NFATC4: variants seen among roughly 807,000 people sequenced by gnomAD.
The protein encoded by NFATC4 is nuclear factor of activated T cells 4.
A neutral mutation model predicts 73.4 loss-of-function variants in NFATC4; 25 were observed. That is an observed-to-expected ratio of 0.34 (90% CI 0.25 to 0.48). The LOEUF is 0.48. Ranked by LOEUF, NFATC4 falls within the 20% of genes least tolerant of loss-of-function variation. The pLI, the probability that NFATC4 is intolerant of heterozygous loss-of-function variation, is 0.99. For synonymous variants in NFATC4, 523 were observed against 510.3 expected, an observed-to-expected ratio of 1.02 and a Z score of -0.34; for missense variants, 1,130 against 1,203.7, an observed-to-expected ratio of 0.94 and a Z score of 0.91.
chr14:24,369,960 G>A lies in NFATC4; in HGVS notation c.562G>A (p.Glu188Lys). The A allele has an allele frequency of 1.9e-6, 3 of 1,612,968 alleles. No individual in the cohort carries two copies. The highest frequency in any genetic ancestry group is 2.5e-6 in the Non-Finnish European group (3 of 1,179,976). Residue 188 changes from glutamate (E) to lysine (K), a missense_variant, in exon 2 of 10, where the codon GAG becomes AAG. Physicochemically the swap from Glu to Lys is moderately conservative, Grantham distance 56. Transcript: ENST00000250373. ...SWSFFSDASD[E>K]AALYAACDEV... is the part of the protein sequence containing the mutation. Reference sequence around the variant, plus strand: ...GAGCTTCTTCTCCGATGCCTCTGACGAGGCAGCCCTGTATGCAGCCTGCGA... The same window carrying A: ...GAGCTTCTTCTCCGATGCCTCTGACAAGGCAGCCCTGTATGCAGCCTGCGA...
upstream of NFATC4, chr14:24,368,183 T>C: frequency 8.0e-7 from 1 of 1,256,594 alleles, no homozygotes; most frequent in African/African-American, 1.6e-5. Flanking sequence ...TGGAAAAGTT[T>C]CTATAATAAC....
intron 2 of NFATC4, among the ~76,000 whole-genome samples, chr14:24,371,046 T>C (rs2042461160): frequency 6.6e-6 from 1 of 152,246 alleles, no homozygotes; most frequent in Non-Finnish European, 1.5e-5. Flanking sequence ...TCTGCATTCC[T>C]TAATTTCTAG....
chr14:24,371,577 C>A (rs1452719005), intron 2 of NFATC4: 1 of 152,476 alleles, frequency 6.6e-6, no homozygotes, highest in Non-Finnish European at 1.5e-5. Context: ...AAACCCTTAG[C>A]TCCCTGGAAC....
chr14:24,374,070 T>C (rs886458276), intron 5 of NFATC4: 3 of 896,422 alleles, frequency 3.3e-6, no homozygotes, highest in Non-Finnish European at 3.6e-6. Context: ...CACTGGACCC[T>C]ATCTATTCCT....
rs779833798 is a variant in NFATC4 at position 24,376,194 on chromosome 14, G to T, written c.2056+93G>T. 6.3e-7 allele frequency: 1 copy of T among 1,590,632 alleles called. No individual in the cohort carries two copies. The highest frequency in any genetic ancestry group is 8.6e-7 in the Non-Finnish European group (1 of 1,166,584). On this transcript the variant is annotated intron_variant, in intron 8 of 9. Coordinates refer to ENST00000250373, the MANE Select transcript of NFATC4 (RefSeq NM_004554.5). This position sits in a 1 kb window ranked among gnomAD's most constrained non-coding sequence, Gnocchi z 5.0. ...GCAGTACTCATCATGAGGGGCCAAG[G>T]GGTGAATGGAACCTGGGAGGAGCAG... is the stretch of plus-strand genomic sequence containing the variant.
intron 2 of NFATC4, among the ~76,000 whole-genome samples, chr14:24,371,187 T>A (rs1003018539): frequency 1.5e-4 from 23 of 152,256 alleles, no homozygotes; most frequent in Non-Finnish European, 2.6e-4. Flanking sequence ...CCCATTTCAA[T>A]AATCTTAAAT....
intron 1 of NFATC4, chr14:24,369,276 G>A: frequency 2.6e-6 from 4 of 1,548,432 alleles, no homozygotes; most frequent in Non-Finnish European, 2.6e-6. Context: ...GGTACCCTCG[G>A]TCCTAGGATC....
rs201406979 is a variant in NFATC4, at chr14:24,373,182, C to T, written c.1371C>T (p.Tyr457=). ...TCTCCCTCTGCCAGCTCCTAGGCTA[C>T]AGTGAGAAGCCACTGACCCTACAGA... ...GGHPVVKLLG[Y]SEKPLTLQMF... Residue 457 remains tyrosine (Y), a synonymous_variant, in exon 4 of 10, where the codon TAC becomes TAT. Coordinates refer to ENST00000250373, the MANE Select transcript of NFATC4 (RefSeq NM_004554.5). This position sits in a 1 kb window ranked among gnomAD's most constrained non-coding sequence, Gnocchi z 4.7. The T allele has an allele frequency of 2.1e-5, 34 of 1,614,004 alleles. 1 individual carries two copies. The highest frequency in any genetic ancestry group is 2.8e-5 in the Non-Finnish European group (33 of 1,180,020).
chr14:24,367,309 C>G (rs1029056386), upstream of NFATC4: 3 of 1,550,342 alleles, frequency 1.9e-6, no homozygotes, highest in Non-Finnish European at 2.6e-6. Flanking sequence ...CCCTAGTAAA[C>G]CTGGCAAGGA....
chr14:24,372,302 A>C, intron 2 of NFATC4, 139 bp from the exon 3 acceptor site: 1 of 878,554 alleles, frequency 1.1e-6, no homozygotes, highest in Non-Finnish European at 1.7e-6. Context: ...CCTTCTTTTC[A>C]CAAGTGTTAA....
chr14:24,377,989 T>G lies in NFATC4; in HGVS notation c.*284T>G, dbSNP rs2042673971. ...GACTGGAGTGAAGGCGTGTCTAGAGTGTGGGCTGGCTGTTGTGCTGGAAAG... is the reference window on the plus strand; with the variant it reads ...GACTGGAGTGAAGGCGTGTCTAGAGGGTGGGCTGGCTGTTGTGCTGGAAAG... On this transcript the variant is annotated 3_prime_UTR_variant, in exon 10 of 10. Coordinates refer to ENST00000250373, the MANE Select transcript of NFATC4 (RefSeq NM_004554.5). The surrounding 1 kb of genome is among the most constrained non-coding windows in gnomAD (Gnocchi z 4.2). The G allele has an allele frequency of 1.8e-6, 1 of 560,884 alleles. No individual in the cohort carries two copies. Among genetic ancestry groups the G allele is most frequent in the African/African-American group, 1.9e-5 (1 of 52,942 alleles). 34.7% of individuals were successfully genotyped at this position (560,884 alleles called of 1,614,324 possible).
chr14:24,367,665 G>A, upstream of NFATC4: 1 of 1,535,700 alleles, frequency 6.5e-7, no homozygotes, highest in Non-Finnish European at 8.7e-7. Context: ...CAAGGGAGGC[G>A]GAAGAATAGC....
intron 2 of NFATC4, 73 bp from the exon 3 acceptor site, chr14:24,372,368 C>G: frequency 6.7e-7 from 1 of 1,494,336 alleles, no homozygotes; most frequent in East Asian, 2.3e-5. Flanking sequence ...ACCCCCTCCT[C>G]CCTCACAGAT....
Position 24,377,427 on chromosome 14 carries a change from G to C in NFATC4, c.2642-211G>C, listed in dbSNP as rs1334884328. 1.4e-6 allele frequency: 2 copies of C among 1,420,036 alleles called. No homozygotes were observed. Among genetic ancestry groups the C allele is most frequent in the Non-Finnish European group, 9.2e-7 (1 of 1,090,896 alleles). The allele number at this position is 1,420,036 out of a possible 1,614,324, so 88.0% of individuals were successfully genotyped here. A position where few individuals can be genotyped will look rare whatever the true frequency, so the allele number is the denominator to read the frequency against. ...GGAAAGGGCTAGGACGGGTGCCTGGGAGCCCACATGGAGGGAGTTGGGCAA... is the reference window on the plus strand; with the variant it reads ...GGAAAGGGCTAGGACGGGTGCCTGGCAGCCCACATGGAGGGAGTTGGGCAA... On this transcript the variant is annotated intron_variant, in intron 9 of 9. Coordinates refer to ENST00000250373, the MANE Select transcript of NFATC4 (RefSeq NM_004554.5). The surrounding 1 kb of genome is among the most constrained non-coding windows in gnomAD (Gnocchi z 4.2).
intron 1 of NFATC4, chr14:24,369,214 C>G (rs1369979335): frequency 2.0e-6 from 3 of 1,531,364 alleles, no homozygotes; most frequent in African/African-American, 2.7e-5. Flanking sequence ...GGCCCAGCCC[C>G]AGCTCCAGCC....
At position 24,375,748 on chromosome 14, in the gene NFATC4, C is replaced by A. The variant is rs371040953; in HGVS notation, c.1929+33C>A. ...TGTCACTTGGATACCTCCTGGGGGGCGGGGGTGGGAGAAGGCAGGGGATTC... is the reference window on the plus strand; with the variant it reads ...TGTCACTTGGATACCTCCTGGGGGGAGGGGGTGGGAGAAGGCAGGGGATTC... On this transcript the variant is annotated intron_variant, in intron 7 of 9. Coordinates refer to ENST00000250373, the MANE Select transcript of NFATC4 (RefSeq NM_004554.5). 9.4e-5 allele frequency: 39 copies of A among 412,908 alleles called. 1 individual carries two copies. Among genetic ancestry groups the A allele is most frequent in the Non-Finnish European group, 1.2e-4 (33 of 267,378 alleles). The allele number at this position is 412,908 out of a possible 1,614,324, so 25.6% of individuals were successfully genotyped here. A position where few individuals can be genotyped will look rare whatever the true frequency, so the allele number is the denominator to read the frequency against.
chr14:24,368,379 T>C lies in NFATC4; in HGVS notation c.39T>C (p.Phe13=). The C allele has an allele frequency of 7.3e-7, 1 of 1,367,152 alleles. No homozygotes were observed. The highest frequency in any genetic ancestry group is 2.0e-5 in the South Asian group (1 of 51,232). The allele number at this position is 1,367,152 out of a possible 1,614,324, so 84.7% of individuals were successfully genotyped here. A position where few individuals can be genotyped will look rare whatever the true frequency, so the allele number is the denominator to read the frequency against. The change falls in exon 1 of 10, where the codon TTT becomes TTC. Residue 13 remains phenylalanine (F), a synonymous_variant. Coordinates refer to ENST00000250373, the MANE Select transcript of NFATC4 (RefSeq NM_004554.5). ...AASCEDEELE[F]KLVFGEEKEA... ...GCTGCGAGGATGAGGAGCTGGAATT[T>C]AAGCTGGTGTTCGGGGAGGAAAAGG...
Position 24,376,883 on chromosome 14 carries a change from G to GT in NFATC4, c.2641+6dup. 1.3e-6 allele frequency: 2 copies of GT among 1,552,566 alleles called. No individual in the cohort carries two copies. The highest frequency in any genetic ancestry group is 2.5e-5 in the South Asian group (2 of 80,348). On this transcript the variant is annotated splice_donor_region_variant and intron_variant, in intron 9 of 9. Coordinates refer to ENST00000250373, the MANE Select transcript of NFATC4 (RefSeq NM_004554.5). The surrounding 1 kb of genome is among the most constrained non-coding windows in gnomAD (Gnocchi z 5.0). ...AGGGTATCACGCTGGAGGAAGGTGG[G>GT]TGTGGGACTGGGGGCTGTGAGTGTG...
Position 24,370,444 on chromosome 14 carries a change from C to T in NFATC4, c.1046C>T (p.Ser349Leu), listed in dbSNP as rs768330456. 2 of 1,614,070 alleles carry T rather than the reference C, an allele frequency of 1.2e-6. No homozygotes were observed. The highest frequency in any genetic ancestry group is 8.5e-7 in the Non-Finnish European group (1 of 1,180,042). ...VALPRSEEPA[S>L]CNGKLPLGAE... Reference sequence around the variant, plus strand: ...CTGCCTCGGTCTGAGGAGCCTGCCTCATGCAATGGGAAGCTGCCCTTGGGA... The same window carrying T: ...CTGCCTCGGTCTGAGGAGCCTGCCTTATGCAATGGGAAGCTGCCCTTGGGA... The change falls in exon 2 of 10, where the codon TCA (serine) becomes TTA (leucine). Residue 349 changes from serine to leucine, a missense_variant. Ser to Leu is a moderately radical substitution (Grantham distance 145, BLOSUM62 -2). Transcript: ENST00000250373.
Sources: allele counts gnomAD v4.1 joint callset (sites outside exome capture counted in the v4.1 genomes callset), GRCh38; gene constraint gnomAD v4.1.1; non-coding constraint Gnocchi (gnomAD v3.1); transcripts MANE v1.5; gene names NCBI Gene and HGNC (gene_info 2026-07-23, HGNC 2026-07-21).